ATG10: variants seen among roughly 807,000 people sequenced by gnomAD.
ATG10 encodes the protein ubiquitin-like-conjugating enzyme ATG10.
Under a neutral mutation model 32.1 loss-of-function variants are expected in ATG10, and 30 were observed. The observed-to-expected ratio is 0.94, with a 90% CI of 0.70 to 1.27. The LOEUF is 1.27. Ranked by LOEUF, ATG10 falls within the 50% of genes most tolerant of loss-of-function variation. ATG10 has a pLI of 0.00. For synonymous variants in ATG10, 87 were observed against 91.5 expected, an observed-to-expected ratio of 0.95 and a Z score of 0.28; for missense variants, 233 against 262.3, an observed-to-expected ratio of 0.89 and a Z score of 0.77.
intron 3 of ATG10, among the ~76,000 whole-genome samples, chr5:82,062,581 T>C (rs114210285): frequency 0.015 from 2,267 of 152,308 alleles, 42 homozygotes; most frequent in African/African-American, 0.051. Flanking sequence ...CTTATAATTA[T>C]CTTTTTATGG....
chr5:82,040,552 T>G (rs1023549864), intron 2 of ATG10, among the ~76,000 whole-genome samples: 1 of 152,194 alleles, frequency 6.6e-6, no homozygotes, highest in Non-Finnish European at 1.5e-5. Context: ...AGGATACACA[T>G]TATTTGTGAA....
intron 5 of ATG10, among the ~76,000 whole-genome samples, chr5:82,209,365 G>T (rs1352312708): frequency 6.6e-6 from 1 of 152,112 alleles, no homozygotes; most frequent in African/African-American, 2.4e-5. Flanking sequence ...TGAAGGTGAG[G>T]CCTTTAGGAG....
At chr5:82,146,040 GTCT>G (rs1767345796) in intron 3 of ATG10, among the ~76,000 whole-genome samples, 1 of 152,062 alleles carries the variant, frequency 6.6e-6, no homozygotes, top group Non-Finnish European at 1.5e-5. Context: ...ACTGTTTCCA[GTCT>G]TCTTAACTTA....
rs116397970 is a variant in ATG10 at position 82,167,542 on chromosome 5, G to A, written c.355+3005G>A. On this transcript the variant is annotated intron_variant, in intron 4 of 7. Transcript: ENST00000282185. ...ACTGCTATGCCAGGTTTTGAAAGAGGAAGTAATTCTGTTGTCTCCAGGAGA... is the reference window on the plus strand; with the variant it reads ...ACTGCTATGCCAGGTTTTGAAAGAGAAAGTAATTCTGTTGTCTCCAGGAGA... Among the ~76,000 whole-genome samples the A allele has an allele frequency of 4.8e-3, 729 of 152,328 alleles. 5 individuals are homozygous for A. Among genetic ancestry groups the A allele is most frequent in the African/African-American group, 0.014 (575 of 41,570 alleles).
At chr5:82,051,210 A>G (rs1489368019) in intron 2 of ATG10, among the ~76,000 whole-genome samples, 8 of 152,096 alleles carry the variant, frequency 5.3e-5, no homozygotes, top group Admixed American at 2.6e-4. Context: ...GAAAGCAATA[A>G]TTGTGGATTA....
intron 3 of ATG10, among the ~76,000 whole-genome samples, chr5:82,060,723 G>C (rs552089814): frequency 3.6e-4 from 55 of 152,104 alleles, no homozygotes; most frequent in Middle Eastern, 3.2e-3. Flanking sequence ...AATTTAGCCA[G>C]GTGTGGGGGC....
At chr5:82,197,134 T>C (rs1744882507) in intron 5 of ATG10, among the ~76,000 whole-genome samples, 1 of 152,202 alleles carries the variant, frequency 6.6e-6, no homozygotes, top group African/African-American at 2.4e-5. Context: ...TTCCTACATA[T>C]TTTGTTCTTT....
At chr5:82,231,264 G>A (rs1435925774) in intron 5 of ATG10, among the ~76,000 whole-genome samples, 3 of 152,196 alleles carry the variant, frequency 2.0e-5, no homozygotes, top group African/African-American at 4.8e-5. Flanking sequence ...TTCAGCAGAA[G>A]TTGGGGAAAT....
At chr5:82,206,883 C>T (rs1745321056) in intron 5 of ATG10, among the ~76,000 whole-genome samples, 1 of 152,126 alleles carries the variant, frequency 6.6e-6, no homozygotes, top group Non-Finnish European at 1.5e-5. Context: ...TAGATGAAAT[C>T]ATATTCTATA....
chr5:82,070,957 G>C (rs995272852), intron 3 of ATG10, among the ~76,000 whole-genome samples: 2 of 152,060 alleles, frequency 1.3e-5, no homozygotes, highest in Non-Finnish European at 2.9e-5. Context: ...TGACCACGTT[G>C]TAACATTTGA....
intron 4 of ATG10, among the ~76,000 whole-genome samples, chr5:82,175,050 A>C (rs772968819): frequency 6.6e-6 from 1 of 152,188 alleles, no homozygotes. Context: ...CAGTTGCATC[A>C]TTGTGGATGT....
At chr5:82,246,830 C>A (rs1307031122) in intron 5 of ATG10, among the ~76,000 whole-genome samples, 1 of 151,980 alleles carries the variant, frequency 6.6e-6, no homozygotes, top group African/African-American at 2.4e-5. Context: ...TTTAGTATAT[C>A]TTATAAGGCA....
In ATG10 at chr5:82,200,245, T is replaced by A. The variant is rs370553957; in HGVS notation, c.453+21658T>A. ...AGCATTTTATACTCCCACTAGCAATTTCTGGGAATTCTAGTTCCTCCATGT... is the reference window on the plus strand; with the variant it reads ...AGCATTTTATACTCCCACTAGCAATATCTGGGAATTCTAGTTCCTCCATGT... On this transcript the variant is annotated intron_variant, in intron 5 of 7. Coordinates refer to ENST00000282185, the MANE Select transcript of ATG10 (RefSeq NM_031482.5). Among the ~76,000 whole-genome samples the A allele has an allele frequency of 7.2e-5, 11 of 152,212 alleles. No homozygotes were observed. In the East Asian group the frequency reaches 2.1e-3, roughly 29 times the overall value.
intron 2 of ATG10, among the ~76,000 whole-genome samples, chr5:82,033,021 A>G (rs1023718987): frequency 6.6e-6 from 1 of 152,128 alleles, no homozygotes; most frequent in African/African-American, 2.4e-5. Context: ...ATATAGAATG[A>G]TCATTCTTCA....
chr5:82,061,627 G>A (rs906195630), intron 3 of ATG10, among the ~76,000 whole-genome samples: 1 of 150,030 alleles, frequency 6.7e-6, no homozygotes, highest in Non-Finnish European at 1.5e-5. Context: ...GGATAATCTA[G>A]TGAATTACTT....
At chr5:82,157,256 CAGT>C (rs1382890934) in intron 3 of ATG10, among the ~76,000 whole-genome samples, 1 of 152,042 alleles carries the variant, frequency 6.6e-6, no homozygotes, top group Non-Finnish European at 1.5e-5. Context: ...AAAAAAAAAT[CAGT>C]AGTAGTAGTG....
chr5:82,160,664 G>A (rs1028758182), intron 3 of ATG10, among the ~76,000 whole-genome samples: 1 of 152,128 alleles, frequency 6.6e-6, no homozygotes, highest in African/African-American at 2.4e-5. Flanking sequence ...ACATTTGGTG[G>A]TGTCCACTAT....
At chr5:82,236,090 G>A (rs1199419724) in intron 5 of ATG10, among the ~76,000 whole-genome samples, 1 of 152,140 alleles carries the variant, frequency 6.6e-6, no homozygotes, top group Non-Finnish European at 1.5e-5. Context: ...TTTATAAAAC[G>A]CAACAAGTGC....
intron 1 of ATG10, among the ~76,000 whole-genome samples, chr5:81,972,753 C>A (rs1428222479): frequency 1.3e-5 from 2 of 151,818 alleles, no homozygotes; most frequent in Non-Finnish European, 2.9e-5. Flanking sequence ...GCCAACAGGT[C>A]TTTCTTTTTT....
Sources: gnomAD v4.1 joint callset for allele counts (sites outside exome capture counted in the v4.1 genomes callset) on GRCh38, gnomAD v4.1.1 for gene constraint, MANE v1.5 for transcripts, NCBI Gene and HGNC (gene_info 2026-07-23, HGNC 2026-07-21) for gene names.